Variants in IL1RAPL1 observed in about 807,000 individuals in gnomAD.
IL1RAPL1 encodes interleukin-1 receptor accessory protein-like 1.
In IL1RAPL1, 3 loss-of-function variants were observed where a neutral mutation model predicts 48.4. The observed-to-expected ratio is 0.06, with a 90% CI of 0.03 to 0.16. The LOEUF is 0.16. Among genes scored for constraint, IL1RAPL1 ranks in the 10% least tolerant of loss-of-function variants. IL1RAPL1 has a pLI of 1.00. For missense variants in IL1RAPL1, 349 were observed against 530.6 expected (o/e 0.66, Z 3.36); for synonymous variants, 185 against 187.7 (o/e 0.99, Z 0.12).
At chrX:29,309,082 A>G (rs934370872) in intron 3 of IL1RAPL1, among the ~76,000 whole-genome samples, 5 of 112,673 alleles carry the variant, frequency 4.4e-5, no homozygotes, top group Admixed American at 9.4e-5. Context: ...TCAATATTGT[A>G]TCTAACTTTG....
At chrX:29,224,035 A>G (rs1276615700) in intron 2 of IL1RAPL1, among the ~76,000 whole-genome samples, 2 of 111,701 alleles carry the variant, frequency 1.8e-5, no homozygotes, top group Admixed American at 1.9e-4. Context: ...CTTGCATATT[A>G]TTGTTCACTT....
intron 6 of IL1RAPL1, among the ~76,000 whole-genome samples, chrX:29,788,745 T>A (rs1431093527): frequency 1.8e-5 from 2 of 112,013 alleles, no homozygotes; most frequent in Non-Finnish European, 3.8e-5. Flanking sequence ...TAGAACTTTT[T>A]CTTACTATAT....
chrX:28,807,268 C>A (rs1164402093), intron 2 of IL1RAPL1, among the ~76,000 whole-genome samples: 5 of 111,342 alleles, frequency 4.5e-5, no homozygotes, highest in Non-Finnish European at 7.6e-5. Flanking sequence ...ATTCTTTAGA[C>A]CTAATATGGA....
chrX:29,656,318 C>T lies in IL1RAPL1; in HGVS notation c.704-12112C>T, dbSNP rs150474144. On this transcript the variant is annotated intron_variant, in intron 5 of 10. Transcript: ENST00000378993. ...TGGGGGAACAGGTGGTGTTTGGTTACATGGGTATGGTCTTTAGTGGTGATT... is the reference window on the plus strand; with the variant it reads ...TGGGGGAACAGGTGGTGTTTGGTTATATGGGTATGGTCTTTAGTGGTGATT... Among the ~76,000 whole-genome samples the T allele has an allele frequency of 8.5e-3, 945 of 111,496 alleles. 4 individuals are homozygous for T. Among genetic ancestry groups the T allele is most frequent in the South Asian group, 0.015 (40 of 2,666 alleles).
chrX:29,229,754 G>T (rs1263260439), intron 2 of IL1RAPL1, among the ~76,000 whole-genome samples: 1 of 112,195 alleles, frequency 8.9e-6, no homozygotes, highest in Non-Finnish European at 1.9e-5. Flanking sequence ...TAAGGAAGAT[G>T]TTCTGAATTA....
chrX:29,349,978 T>C (rs1409541159), intron 3 of IL1RAPL1, among the ~76,000 whole-genome samples: 1 of 107,131 alleles, frequency 9.3e-6, no homozygotes, highest in African/African-American at 3.5e-5. Flanking sequence ...TTCACAGAAA[T>C]TAATAGGGTT....
At chrX:29,889,424 C>G (rs1455501036) in intron 6 of IL1RAPL1, among the ~76,000 whole-genome samples, 1 of 111,481 alleles carries the variant, frequency 9.0e-6, no homozygotes, top group African/African-American at 3.3e-5. Flanking sequence ...TATTAATTAT[C>G]CTTTACTGTA....
intron 6 of IL1RAPL1, among the ~76,000 whole-genome samples, chrX:29,835,870 G>A (rs1268810013): frequency 1.1e-5 from 1 of 89,221 alleles, no homozygotes; most frequent in African/African-American, 4.8e-5. Context: ...GATTTTATTT[G>A]AGTCTTCTTT....
At chrX:29,569,007 G>C (rs1241254751) in intron 5 of IL1RAPL1, among the ~76,000 whole-genome samples, 4 of 111,234 alleles carry the variant, frequency 3.6e-5, no homozygotes, top group Non-Finnish European at 7.6e-5. Flanking sequence ...ACTGAGCTTT[G>C]ATAGCCACTT....
At chrX:29,254,177 A>C (rs957808968) in intron 2 of IL1RAPL1, among the ~76,000 whole-genome samples, 1 of 111,366 alleles carries the variant, frequency 9.0e-6, no homozygotes, top group Non-Finnish European at 1.9e-5. Context: ...AAAAGCAAAA[A>C]ATTAAATGAA....
chrX:28,719,295 G>C (rs934512678), intron 1 of IL1RAPL1, among the ~76,000 whole-genome samples: 1 of 110,943 alleles, frequency 9.0e-6, no homozygotes, highest in Non-Finnish European at 1.9e-5. Context: ...TAATAAAAGT[G>C]TAAAGAGCAC....
intron 2 of IL1RAPL1, among the ~76,000 whole-genome samples, chrX:29,156,932 A>T (rs1929581984): frequency 8.9e-6 from 1 of 111,910 alleles, no homozygotes. Flanking sequence ...TACAGAATGG[A>T]TTTCTTGAAA....
intron 1 of IL1RAPL1, among the ~76,000 whole-genome samples, chrX:28,739,648 T>C (rs756419269): frequency 6.3e-5 from 7 of 111,623 alleles, no homozygotes; most frequent in Non-Finnish European, 1.1e-4. Context: ...CAATGTACAC[T>C]CTGTGCATTA....
chrX:29,640,856 A>G (rs1925142994), intron 5 of IL1RAPL1, among the ~76,000 whole-genome samples: 1 of 112,120 alleles, frequency 8.9e-6, no homozygotes, highest in Non-Finnish European at 1.9e-5. Flanking sequence ...ATTACATTAC[A>G]TTATCTTCTG....
intron 3 of IL1RAPL1, among the ~76,000 whole-genome samples, chrX:29,384,630 A>G (rs936596873): frequency 2.7e-5 from 3 of 112,523 alleles, no homozygotes; most frequent in African/African-American, 9.7e-5. Flanking sequence ...AATATTATCT[A>G]TCTTAACTAG....
intron 5 of IL1RAPL1, among the ~76,000 whole-genome samples, chrX:29,653,030 A>G (rs1350784829): frequency 8.9e-6 from 1 of 111,954 alleles, no homozygotes; most frequent in Non-Finnish European, 1.9e-5. Context: ...GCTGGCATAG[A>G]TGCAATTCCA....
At chrX:28,686,446 C>T (rs1389123449) in intron 1 of IL1RAPL1, among the ~76,000 whole-genome samples, 1 of 111,791 alleles carries the variant, frequency 8.9e-6, no homozygotes, top group Non-Finnish European at 1.9e-5. Flanking sequence ...TACCAGTGGT[C>T]ATTTGTGATT....
intron 1 of IL1RAPL1, among the ~76,000 whole-genome samples, chrX:28,771,198 C>A (rs985462756): frequency 9.0e-6 from 1 of 111,555 alleles, no homozygotes; most frequent in African/African-American, 3.3e-5. Flanking sequence ...AAGTTTCTAC[C>A]ATCTCCACTG....
At position 28,983,267 on chromosome X, in the gene IL1RAPL1, C is replaced by T. The variant is rs893621755; in HGVS notation, c.82+193842C>T. Among the ~76,000 whole-genome samples the T allele has an allele frequency of 3.6e-5, 4 of 111,714 alleles. No individual in the cohort carries two copies. The Admixed American group carries it at 3.8e-4, about 11-fold the overall frequency. ...TGCTACTTGTTCATGTAGGAAATTT[C>T]TCCATCCTGTACACAGACATCAGAG... On this transcript the variant is annotated intron_variant, in intron 2 of 10. Transcript: ENST00000378993.
Sources: gnomAD v4.1 joint callset for allele counts (sites outside exome capture counted in the v4.1 genomes callset) on GRCh38, gnomAD v4.1.1 for gene constraint, MANE v1.5 for transcripts, NCBI Gene and HGNC (gene_info 2026-07-23, HGNC 2026-07-21) for gene names.